Variants in INCENP observed in about 807,000 individuals in gnomAD.
INCENP encodes inner centromere protein, also known as binds and activates aurora-B and -C in vivo and in vitro.
Under a neutral mutation model 107.3 loss-of-function variants are expected in INCENP, and 43 were observed. The ratio of observed to expected loss-of-function variants is 0.40; its 90% CI spans 0.31 to 0.52. INCENP has a LOEUF of 0.52. Among genes scored for constraint, INCENP ranks in the 20% least tolerant of loss-of-function variants. The pLI is 0.53. For synonymous variants in INCENP, 488 were observed against 494.4 expected, an observed-to-expected ratio of 0.99 and a Z score of 0.17; for missense variants, 1,089 against 1,250.9, an observed-to-expected ratio of 0.87 and a Z score of 1.95.
chr11:62,127,466 CCTT>C (rs1943777771), intron 1 of INCENP, among the ~76,000 whole-genome samples: 1 of 152,316 alleles, frequency 6.6e-6, no homozygotes, highest in Middle Eastern at 3.4e-3. Flanking sequence ...CTTACTGTTC[CCTT>C]CTTGTTCTAT....
rs1199538755 is a variant in INCENP at position 62,151,876 on chromosome 11, C to T, written c.2657C>T (p.Pro886Leu). Residue 886 changes from proline (P) to leucine (L), a missense_variant, in exon 19 of 19, where the codon CCC (proline) becomes CTC (leucine). Transcript: ENST00000394818. ...GAGGATATCTTCAAGAAGAGCAAGCCCCGCTATCACAAGCGCACCAGCTCT... is the reference window on the plus strand; with the variant it reads ...GAGGATATCTTCAAGAAGAGCAAGCTCCGCTATCACAAGCGCACCAGCTCT... ...DLEDIFKKSKPRYHKRTSSAV... is the reference protein window; with the variant it reads ...DLEDIFKKSKLRYHKRTSSAV... The T allele has an allele frequency of 1.2e-6, 2 of 1,614,054 alleles. No homozygotes were observed. Among genetic ancestry groups the T allele is most frequent in the East Asian group, 2.2e-5 (1 of 44,896 alleles).
At chr11:62,135,431 AT>A (rs1943973233) in intron 4 of INCENP, among the ~76,000 whole-genome samples, 1 of 151,600 alleles carries the variant, frequency 6.6e-6, no homozygotes, top group South Asian at 2.1e-4. Context: ...CGCCCGGATA[AT>A]TTTTGTCTTT....
At chr11:62,143,785 C>T (rs1405278247) in intron 11 of INCENP, among the ~76,000 whole-genome samples, 1 of 152,216 alleles carries the variant, frequency 6.6e-6, no homozygotes, top group Non-Finnish European at 1.5e-5. Context: ...AGGTGGGAGT[C>T]TACTGGGAGC....
chr11:62,140,170 C>G, intron 7 of INCENP, 64 bp from the exon 8 acceptor site: 5 of 1,447,908 alleles, frequency 3.5e-6, no homozygotes, highest in African/African-American at 1.4e-5. Context: ...TCCCCCTACA[C>G]CCCCATTCCC....
At position 62,150,225 on chromosome 11, in the gene INCENP, C is replaced by A. The variant is rs2134686469; in HGVS notation, c.2542+18C>A. 1 of 1,613,280 alleles carries A rather than the reference C, an allele frequency of 6.2e-7. No homozygotes were observed. Among genetic ancestry groups the A allele is most frequent in the Non-Finnish European group, 8.5e-7 (1 of 1,179,738 alleles). ...GGCCCGAGGTAAGCAAAGCCCACAG[C>A]TCCCTGGGAGACTCAGGCCCTCCCT... On this transcript the variant is annotated intron_variant, in intron 18 of 18. Coordinates refer to ENST00000394818, the MANE Select transcript of INCENP (RefSeq NM_001040694.2).
intron 4 of INCENP, among the ~76,000 whole-genome samples, chr11:62,131,978 G>A (rs987493677): frequency 6.6e-6 from 1 of 151,930 alleles, no homozygotes; most frequent in Admixed American, 6.6e-5. Flanking sequence ...TAGTAGAGAT[G>A]GGGTTTCACC....
intron 15 of INCENP, among the ~76,000 whole-genome samples, chr11:62,147,663 CG>C (rs1944281620): frequency 6.6e-6 from 1 of 152,118 alleles, no homozygotes; most frequent in African/African-American, 2.4e-5. Context: ...CCGGGCAGCA[CG>C]TTTTTTCCGT....
chr11:62,152,254 A>G lies in INCENP; in HGVS notation c.*278A>G. 2.1e-6 allele frequency: 1 copy of G among 484,024 alleles called. No individual in the cohort carries two copies. Among genetic ancestry groups the G allele is most frequent in the East Asian group, 3.5e-5 (1 of 28,176 alleles). The allele number at this position is 484,024 out of a possible 1,614,324, so 30.0% of individuals were successfully genotyped here. A position where few individuals can be genotyped will look rare whatever the true frequency, so the allele number is the denominator to read the frequency against. On this transcript the variant is annotated 3_prime_UTR_variant, in exon 19 of 19. Transcript: ENST00000394818. ...GCTCTGTAAATAGTTGTTTTAATTT[A>G]GCTGAATGTTAGCATTTTAGTCTTT...
At position 62,149,999 on chromosome 11, in the gene INCENP, C is replaced by T. The variant is rs971160022; in HGVS notation, c.2392-58C>T. 7.6e-6 allele frequency: 12 copies of T among 1,574,728 alleles called. No homozygotes were observed. In the East Asian group the frequency reaches 1.6e-4, roughly 21 times the overall value. ...AGGTGAGCAGTGCCCCAGCACTCCT[C>T]GGTGGTGAGAGATGGGAATGCCATG... On this transcript the variant is annotated intron_variant, in intron 17 of 18. Transcript: ENST00000394818.
intron 4 of INCENP, among the ~76,000 whole-genome samples, chr11:62,132,558 A>G (rs1479988638): frequency 1.3e-5 from 2 of 152,096 alleles, no homozygotes; most frequent in Non-Finnish European, 2.9e-5. Flanking sequence ...TCAGGCCTGG[A>G]TCTGATCTTG....
At chr11:62,146,516 G>T in intron 14 of INCENP, 142 bp from the exon 15 acceptor site, 2 of 1,274,694 alleles carry the variant, frequency 1.6e-6, no homozygotes, top group Non-Finnish European at 2.1e-6. Flanking sequence ...AGCCTTGCTC[G>T]GGATGTCCCA....
In INCENP at chr11:62,151,121, G is replaced by A. The variant is rs537642332; in HGVS notation, c.2543-641G>A. Among the ~76,000 whole-genome samples the A allele has an allele frequency of 4.6e-5, 7 of 152,352 alleles. No individual in the cohort carries two copies. In the East Asian group the frequency reaches 5.8e-4, roughly 13 times the overall value. The stretch of plus-strand genomic sequence containing the variant: ...GCTTACTTAAATAGTTTCCTCATCC[G>A]TGAAAGGGGGGTGAAGACAAGACCC... On this transcript the variant is annotated intron_variant, in intron 18 of 18. Coordinates refer to ENST00000394818, the MANE Select transcript of INCENP (RefSeq NM_001040694.2).
chr11:62,146,965 C>G, intron 15 of INCENP, 63 bp downstream of exon 15: 1 of 1,577,952 alleles, frequency 6.3e-7, no homozygotes, highest in Non-Finnish European at 8.6e-7. Flanking sequence ...CGGTGTGAAC[C>G]TTGCCTGGAC....
intron 16 of INCENP, 76 bp downstream of exon 16, chr11:62,148,630 G>T: frequency 2.0e-6 from 3 of 1,505,522 alleles, no homozygotes; most frequent in Non-Finnish European, 2.7e-6. Flanking sequence ...TGCAGCAGGG[G>T]CTGCCTAGGG....
At position 62,140,286 on chromosome 11, in the gene INCENP, GT is replaced by G; in HGVS notation, c.1343+4del. The G allele has an allele frequency of 6.2e-7, 1 of 1,613,450 alleles. No homozygotes were observed. The highest frequency in any genetic ancestry group is 8.5e-7 in the Non-Finnish European group (1 of 1,179,648). On this transcript the variant is annotated splice_donor_variant, in intron 8 of 18. Coordinates refer to ENST00000394818, the MANE Select transcript of INCENP (RefSeq NM_001040694.2). ...CCAGAGAGCCACCGCAGAGTGCCAG[GT>G]TTGCATCCGGGAAGGGGTGTGTAGG...
chr11:62,150,464 C>T (rs376120709), intron 18 of INCENP, among the ~76,000 whole-genome samples: 8 of 102,770 alleles, frequency 7.8e-5, no homozygotes, highest in African/African-American at 1.9e-4. Context: ...TTGTGCTGGG[C>T]TTGGGCATGG....
rs1944108306 is a variant in INCENP at position 62,141,010 on chromosome 11, T to A, written c.1559T>A (p.Ile520Asn). 2 of 1,614,000 alleles carry A rather than the reference T, an allele frequency of 1.2e-6. No homozygotes were observed. The highest frequency in any genetic ancestry group is 8.5e-7 in the Non-Finnish European group (1 of 1,179,964). The change falls in exon 10 of 19, where the codon ATT (isoleucine) becomes AAT (asparagine). Residue 520 changes from isoleucine (I) to asparagine (N), a missense_variant. Coordinates refer to ENST00000394818, the MANE Select transcript of INCENP (RefSeq NM_001040694.2). ...SAPRSVMKSFIKRNTPLRMDP... is the reference protein window; with the variant it reads ...SAPRSVMKSFNKRNTPLRMDP... Reference sequence around the variant, plus strand: ...CCACGCAGCGTCATGAAGTCCTTTATTAAGCGCAACACTCCCCTGCGCATG... The same window carrying A: ...CCACGCAGCGTCATGAAGTCCTTTAATAAGCGCAACACTCCCCTGCGCATG...
intron 4 of INCENP, among the ~76,000 whole-genome samples, chr11:62,135,361 G>A (rs1943970304): frequency 1.3e-5 from 2 of 151,914 alleles, no homozygotes; most frequent in African/African-American, 2.4e-5. Context: ...TCTGCCTCCC[G>A]GTTCAAGTGA....
At chr11:62,147,591 G>A (rs544064780) in intron 15 of INCENP, among the ~76,000 whole-genome samples, 9 of 152,302 alleles carry the variant, frequency 5.9e-5, no homozygotes, top group African/African-American at 1.9e-4. Context: ...CACAAGGCCC[G>A]TGTGTGTGAG....
Sources: gnomAD v4.1 joint callset for allele counts (sites outside exome capture counted in the v4.1 genomes callset) on GRCh38, gnomAD v4.1.1 for gene constraint, MANE v1.5 for transcripts, NCBI Gene and HGNC (gene_info 2026-07-23, HGNC 2026-07-21) for gene names.